The following SPOCK1 variants were observed in gnomAD, a reference collection of about 807,000 sequenced individuals.
The protein encoded by SPOCK1 is testican-1.
SPOCK1 carries 23 observed loss-of-function variants against 55.3 expected under a neutral mutation model. That is an observed-to-expected ratio of 0.42 (90% confidence interval 0.30 to 0.59). The LOEUF (loss-of-function observed/expected upper bound fraction) is 0.59, where lower values mean the gene tolerates loss of function less well. SPOCK1 is among the 20% of genes least tolerant of loss of function. The pLI, the probability that SPOCK1 is intolerant of heterozygous loss-of-function variation, is 0.22. For missense variants in SPOCK1, 499 were observed against 552.5 expected (o/e 0.90, Z 0.97); for synonymous variants, 226 against 221.0 (o/e 1.02, Z -0.20).
intron 2 of SPOCK1, among the ~76,000 whole-genome samples, chr5:137,371,577 T>C (rs1027801299): frequency 2.0e-5 from 3 of 152,074 alleles, no homozygotes; most frequent in South Asian, 2.1e-4. Context: ...CCATTACCAA[T>C]ACAAATGAGG....
At chr5:137,024,319 G>GGGGT (rs1554093484) in intron 6 of SPOCK1, among the ~76,000 whole-genome samples, 2 of 148,152 alleles carry the variant, frequency 1.3e-5, no homozygotes, top group African/African-American at 2.5e-5. Context: ...TTTGAAGGGG[G>GGGGT]GGGGGTAGTT....
intron 6 of SPOCK1, among the ~76,000 whole-genome samples, chr5:137,063,334 AC>A (rs938802751): frequency 6.6e-6 from 1 of 151,908 alleles, no homozygotes; most frequent in Non-Finnish European, 1.5e-5. Context: ...TCTTCAGGGG[AC>A]ATGCCAAAGG....
At chr5:137,196,173 G>T (rs1051691867) in intron 3 of SPOCK1, among the ~76,000 whole-genome samples, 2 of 151,978 alleles carry the variant, frequency 1.3e-5, no homozygotes, top group Admixed American at 6.5e-5. Flanking sequence ...GTCCATCTAC[G>T]TGCCACCATC....
chr5:137,024,322 G>A (rs977779065), intron 6 of SPOCK1, among the ~76,000 whole-genome samples: 1 of 144,312 alleles, frequency 6.9e-6, no homozygotes, highest in African/African-American at 2.6e-5. Flanking sequence ...GAAGGGGGGG[G>A]GGTAGTTACA....
intron 2 of SPOCK1, among the ~76,000 whole-genome samples, chr5:137,308,966 GA>G (rs1757745936): frequency 1.3e-5 from 2 of 152,124 alleles, no homozygotes; most frequent in South Asian, 4.2e-4. Context: ...AATGACTGGA[GA>G]AATATACATA....
chr5:137,232,858 A>G (rs1191984407), intron 3 of SPOCK1, among the ~76,000 whole-genome samples: 2 of 152,210 alleles, frequency 1.3e-5, no homozygotes, highest in Admixed American at 1.3e-4. Flanking sequence ...TTTGATTTCT[A>G]TCATCAGTGT....
chr5:136,983,423 A>AGTTAGAAGCTTAGTG (rs1750771995), intron 9 of SPOCK1, among the ~76,000 whole-genome samples: 1 of 152,140 alleles, frequency 6.6e-6, no homozygotes, highest in South Asian at 2.1e-4. Context: ...CTGATGCCAC[A>AGTTAGAAGCTTAGTG]GTTAGAAGCT....
chr5:137,079,885 C>T (rs866297074), intron 5 of SPOCK1, among the ~76,000 whole-genome samples: 10 of 152,080 alleles, frequency 6.6e-5, no homozygotes, highest in African/African-American at 1.4e-4. Flanking sequence ...TCCAGCCCAC[C>T]CCACTCAACA....
chr5:137,235,576 T>C (rs567129885), intron 3 of SPOCK1, among the ~76,000 whole-genome samples: 1 of 152,342 alleles, frequency 6.6e-6, no homozygotes, highest in East Asian at 1.9e-4. Context: ...GAGGTATGTA[T>C]ACAAGTGAAA....
At position 136,978,859 on chromosome 5, in the gene SPOCK1, A is replaced by C; in HGVS notation, c.1130-15T>G. 1 of 1,597,146 alleles carries C rather than the reference A, an allele frequency of 6.3e-7. No homozygotes were observed. The highest frequency in any genetic ancestry group is 1.7e-4 in the Middle Eastern group (1 of 5,910). On this transcript the variant is annotated splice_polypyrimidine_tract_variant and intron_variant, in intron 10 of 10. Coordinates refer to ENST00000394945, the MANE Select transcript of SPOCK1 (RefSeq NM_004598.4). ...CTGCTCCTCTTCTGAAAGATTAAAA[A>C]AAGCATTGAGGTTAGTTTCCACTTA... is the stretch of plus-strand genomic sequence containing the variant.
At chr5:137,292,934 A>C (rs1757401853) in intron 2 of SPOCK1, among the ~76,000 whole-genome samples, 1 of 152,142 alleles carries the variant, frequency 6.6e-6, no homozygotes, top group Admixed American at 6.5e-5. Flanking sequence ...ATTTGGAGTA[A>C]GAAATAATTT....
At chr5:137,220,502 G>C (rs978483999) in intron 3 of SPOCK1, among the ~76,000 whole-genome samples, 12 of 152,288 alleles carry the variant, frequency 7.9e-5, no homozygotes, top group African/African-American at 2.6e-4. Context: ...GAGGTTGTTT[G>C]TATTTTACCC....
chr5:137,337,659 A>G (rs568639654), intron 2 of SPOCK1, among the ~76,000 whole-genome samples: 2 of 152,302 alleles, frequency 1.3e-5, no homozygotes, highest in African/African-American at 4.8e-5. Flanking sequence ...TCACACTAAG[A>G]CCAGAGATTC....
intron 6 of SPOCK1, among the ~76,000 whole-genome samples, chr5:137,037,876 C>G (rs951406928): frequency 1.3e-5 from 2 of 152,144 alleles, no homozygotes; most frequent in African/African-American, 4.8e-5. Flanking sequence ...GGAATGCAGC[C>G]AGTAGCTGCA....
chr5:137,255,900 G>T (rs906818386), intron 3 of SPOCK1, among the ~76,000 whole-genome samples: 1 of 152,152 alleles, frequency 6.6e-6, no homozygotes, highest in African/African-American at 2.4e-5. Context: ...ACCTTCTCTA[G>T]CCCTTTCTAC....
intron 2 of SPOCK1, among the ~76,000 whole-genome samples, chr5:137,471,136 G>C (rs1753730205): frequency 6.6e-6 from 1 of 152,184 alleles, no homozygotes; most frequent in Admixed American, 6.5e-5. Flanking sequence ...GCAGGACTTA[G>C]CTCTGTCCAA....
At chr5:137,107,661 C>G (rs970446349) in intron 5 of SPOCK1, among the ~76,000 whole-genome samples, 1 of 152,132 alleles carries the variant, frequency 6.6e-6, no homozygotes, top group Admixed American at 6.5e-5. Context: ...TTAGAAGAGG[C>G]CTGCTGTAGA....
At chr5:137,367,426 G>C (rs561549747) in intron 2 of SPOCK1, among the ~76,000 whole-genome samples, 1 of 152,184 alleles carries the variant, frequency 6.6e-6, no homozygotes, top group East Asian at 1.9e-4. Context: ...AGTATTTCTA[G>C]AGCAGCTCCA....
At chr5:137,286,766 C>A (rs1262612038) in intron 2 of SPOCK1, among the ~76,000 whole-genome samples, 1 of 152,124 alleles carries the variant, frequency 6.6e-6, no homozygotes, top group Non-Finnish European at 1.5e-5. Context: ...GAACAAAGTT[C>A]CCCCAACAAC....
Sources: gnomAD v4.1 joint callset for allele counts (sites outside exome capture counted in the v4.1 genomes callset) on GRCh38, gnomAD v4.1.1 for gene constraint, MANE v1.5 for transcripts, NCBI Gene and HGNC (gene_info 2026-07-23, HGNC 2026-07-21) for gene names.